Variants in TRAM1 observed in about 807,000 individuals in gnomAD.
TRAM1 encodes the protein translocation associated membrane protein 1.
A neutral mutation model predicts 48.7 loss-of-function variants in TRAM1; 17 were observed. The ratio of observed to expected loss-of-function variants is 0.35; its 90% confidence interval spans 0.24 to 0.52. The LOEUF (loss-of-function observed/expected upper bound fraction) is 0.52. Ranked by LOEUF, TRAM1 falls within the 20% of genes least tolerant of loss-of-function variation. The pLI is 0.94. For missense variants in TRAM1, 351 were observed against 441.5 expected, an observed-to-expected ratio of 0.79 and a Z score of 1.84; for synonymous variants, 182 against 154.0, an observed-to-expected ratio of 1.18 and a Z score of -1.34.
At chr8:70,575,746 A>G (rs948301154) in intron 10 of TRAM1, among the ~76,000 whole-genome samples, 17 of 152,280 alleles carry the variant, frequency 1.1e-4, no homozygotes, top group Middle Eastern at 6.8e-3. Flanking sequence ...CACAGATATC[A>G]TTGAACTGAA....
chr8:70,607,224 TTAAA>T (rs1450807734), intron 1 of TRAM1: 1 of 985,150 alleles, frequency 1.0e-6, no homozygotes, highest in Non-Finnish European at 1.2e-6. Context: ...TCAACAGCTG[TTAAA>T]TAAGTCATCA....
chr8:70,598,391 G>T, intron 2 of TRAM1, 136 bp from the exon 3 acceptor site: 1 of 741,774 alleles, frequency 1.3e-6, no homozygotes. Context: ...AAATAACGTG[G>T]TCTTGGACAT....
At chr8:70,587,038 T>C (rs751562532) in intron 7 of TRAM1, 39 bp from the exon 8 acceptor site, 4 of 1,608,456 alleles carry the variant, frequency 2.5e-6, no homozygotes, top group South Asian at 1.1e-5. Context: ...ATATTAATTA[T>C]CAATTAAGAC....
chr8:70,574,843 A>G lies in TRAM1; in HGVS notation c.*89T>C. 2 of 948,072 alleles carry G rather than the reference A, an allele frequency of 2.1e-6. No individual in the cohort carries two copies. The highest frequency in any genetic ancestry group is 1.6e-6 in the Non-Finnish European group (1 of 615,984). 58.7% of individuals were successfully genotyped at this position (948,072 alleles called of 1,614,324 possible). A position where few individuals can be genotyped will look rare whatever the true frequency, so the allele number is the denominator to read the frequency against. On this transcript the variant is annotated 3_prime_UTR_variant, in exon 11 of 11. Coordinates refer to ENST00000262213, the MANE Select transcript of TRAM1 (RefSeq NM_014294.6). ...GCAAAAATCAAAGAGCACAGACTGTATTTTCAAGAACAGAAAAATCTCTAA... is the reference window on the plus strand; with the variant it reads ...GCAAAAATCAAAGAGCACAGACTGTGTTTTCAAGAACAGAAAAATCTCTAA...
Position 70,598,235 on chromosome 8 carries a change from C to T in TRAM1, c.208G>A (p.Val70Met). The change falls in exon 3 of 11, where the codon GTG becomes ATG. Residue 70 changes from valine to methionine, a missense_variant. Coordinates refer to ENST00000262213, the MANE Select transcript of TRAM1 (RefSeq NM_014294.6). ...PATEEQATESVSLYYYGIKDL... is the reference protein window; with the variant it reads ...PATEEQATESMSLYYYGIKDL... Reference sequence around the variant, plus strand: ...TTGATGCCATAGTAATAAAGGGACACTGATTCAGTAGCTTGTTCTTCTGAA... The same window carrying T: ...TTGATGCCATAGTAATAAAGGGACATTGATTCAGTAGCTTGTTCTTCTGAA... 6.2e-7 allele frequency: 1 copy of T among 1,609,630 alleles called. No homozygotes were observed.
At chr8:70,581,906 G>C (rs1230204020) in intron 10 of TRAM1, among the ~76,000 whole-genome samples, 1 of 152,182 alleles carries the variant, frequency 6.6e-6, no homozygotes, top group Admixed American at 6.5e-5. Flanking sequence ...GTCCAGAAAA[G>C]GCCAATCCTT....
rs548063667 is a variant in TRAM1, at chr8:70,599,985, T to C, written c.187+34A>G. 50 of 1,580,418 alleles carry C rather than the reference T, an allele frequency of 3.2e-5. No individual in the cohort carries two copies. The South Asian group carries it at 4.9e-4, about 15-fold the overall frequency. On this transcript the variant is annotated intron_variant, in intron 2 of 10. Transcript: ENST00000262213. ...CCAAGTTTGTTCAACTGAACTTCTA[T>C]TTACGTAGAAAATTCTTAGCGTAAA...
At chr8:70,603,525 T>A (rs1314590989) in intron 1 of TRAM1, among the ~76,000 whole-genome samples, 1 of 152,170 alleles carries the variant, frequency 6.6e-6, no homozygotes, top group Non-Finnish European at 1.5e-5. Flanking sequence ...AAGACCAGCC[T>A]GGCCAACATG....
In TRAM1 at chr8:70,587,195, T is replaced by C. The variant is rs1013883591; in HGVS notation, c.571-19A>G. 1 of 1,606,714 alleles carries C rather than the reference T, an allele frequency of 6.2e-7. No individual in the cohort carries two copies. Among genetic ancestry groups the C allele is most frequent in the Non-Finnish European group, 8.5e-7 (1 of 1,173,792 alleles). ...TATCTTCCTGTAAAAAAATACATTATAGATTAAAACATGCTAAAACATTTC... is the reference window on the plus strand; with the variant it reads ...TATCTTCCTGTAAAAAAATACATTACAGATTAAAACATGCTAAAACATTTC... On this transcript the variant is annotated intron_variant, in intron 6 of 10. Coordinates refer to ENST00000262213, the MANE Select transcript of TRAM1 (RefSeq NM_014294.6).
chr8:70,592,987 A>G (rs996745985), intron 6 of TRAM1, among the ~76,000 whole-genome samples: 5 of 152,172 alleles, frequency 3.3e-5, no homozygotes, highest in African/African-American at 1.2e-4. Context: ...AATATCTATG[A>G]TTCACATTAG....
rs1364190003 is a variant in TRAM1 at position 70,573,409 on chromosome 8, C to T, written c.*1523G>A. 1.3e-5 allele frequency: 2 copies of T among 152,546 alleles called. No individual in the cohort carries two copies. Among genetic ancestry groups the T allele is most frequent in the African/African-American group, 4.8e-5 (2 of 41,408 alleles). The allele number at this position is 152,546 out of a possible 1,614,324, so 9.4% of individuals were successfully genotyped here. A position where few individuals can be genotyped will look rare whatever the true frequency, so the allele number is the denominator to read the frequency against. On this transcript the variant is annotated 3_prime_UTR_variant, in exon 11 of 11. Coordinates refer to ENST00000262213, the MANE Select transcript of TRAM1 (RefSeq NM_014294.6). ...AGGTTATATACCAAAATAGCCTAAA[C>T]ACCAACAATGACAGAAACATCCAGG... is the stretch of plus-strand genomic sequence containing the variant.
intron 1 of TRAM1, among the ~76,000 whole-genome samples, chr8:70,602,165 G>A (rs1030164726): frequency 6.6e-6 from 1 of 152,200 alleles, no homozygotes; most frequent in African/African-American, 2.4e-5. Flanking sequence ...AAAGAGATGT[G>A]GGAGGAAAGA....
chr8:70,596,082 G>C (rs1295349170), intron 5 of TRAM1, among the ~76,000 whole-genome samples, 181 bp downstream of exon 5: 3 of 151,780 alleles, frequency 2.0e-5, no homozygotes, highest in Non-Finnish European at 4.4e-5. Flanking sequence ...GATTAGAATA[G>C]AAACATTAAA....
At chr8:70,595,516 G>A (rs1817468234) in intron 5 of TRAM1, among the ~76,000 whole-genome samples, 1 of 151,990 alleles carries the variant, frequency 6.6e-6, no homozygotes, top group East Asian at 1.9e-4. Flanking sequence ...TAAATACTGT[G>A]TAGGTGACAA....
intron 1 of TRAM1, 180 bp downstream of exon 1, chr8:70,607,897 G>A (rs1817785592): frequency 4.4e-6 from 3 of 686,574 alleles, no homozygotes; most frequent in South Asian, 8.6e-5. Flanking sequence ...CCGGCCGCCG[G>A]GGAGCTGCCG....
chr8:70,596,209 A>G (rs372614130), intron 5 of TRAM1, 54 bp downstream of exon 5: 142 of 1,388,292 alleles, frequency 1.0e-4, no homozygotes, highest in Non-Finnish European at 1.3e-4. Flanking sequence ...ATTCTGATTA[A>G]TAGTGACATG....
chr8:70,589,481 T>C (rs551684830), intron 6 of TRAM1, among the ~76,000 whole-genome samples: 5 of 152,328 alleles, frequency 3.3e-5, no homozygotes, highest in Admixed American at 3.3e-4. Context: ...CAGTGTGGTG[T>C]GTACATTGGT....
At chr8:70,606,711 T>C (rs961331491) in intron 1 of TRAM1, among the ~76,000 whole-genome samples, 3 of 145,416 alleles carry the variant, frequency 2.1e-5, no homozygotes, top group African/African-American at 7.3e-5. Context: ...GCTACCTCCT[T>C]AGCAGTGGTT....
chr8:70,600,122 C>A (rs775500769), intron 1 of TRAM1, 40 bp from the exon 2 acceptor site: 1 of 1,537,604 alleles, frequency 6.5e-7, no homozygotes, highest in Non-Finnish European at 9.0e-7. Flanking sequence ...CAATTTGTGA[C>A]CCTCTCCCAA....
Sources: gnomAD v4.1 joint callset for allele counts (sites outside exome capture counted in the v4.1 genomes callset) on GRCh38, gnomAD v4.1.1 for gene constraint, MANE v1.5 for transcripts, NCBI Gene and HGNC (gene_info 2026-07-23, HGNC 2026-07-21) for gene names.